The following MPP7 variants were observed in gnomAD, a reference collection of about 807,000 sequenced individuals.
MPP7 encodes the protein MAGUK p55 scaffold protein 7.
MPP7 carries 60 observed loss-of-function variants against 76.5 expected under a neutral mutation model. The ratio of observed to expected loss-of-function variants is 0.78; its 90% CI spans 0.64 to 0.97. The LOEUF is 0.97. Among genes scored for constraint, MPP7 ranks in the 50% least tolerant of loss-of-function variants. The pLI is 0.00. For synonymous variants in MPP7, 237 were observed against 244.5 expected (o/e 0.97, Z 0.29); for missense variants, 641 against 694.0 (o/e 0.92, Z 0.86).
intron 11 of MPP7, among the ~76,000 whole-genome samples, chr10:28,100,117 A>G: frequency 7.8e-6 from 1 of 127,412 alleles, no homozygotes; most frequent in Admixed American, 8.2e-5. Flanking sequence ...CTTCTTAAGA[A>G]GATTAAAAAA....
rs956023698 is a variant in MPP7, at chr10:28,216,977, C to G, written c.38-14706G>C. On this transcript the variant is annotated intron_variant, in intron 2 of 16. Transcript: ENST00000683449. Reference sequence around the variant, plus strand: ...TAGAAGTATTTTTAATACTCAAAGTCTTGATTTTGAGCCTTTTAACATTAA... The same window carrying G: ...TAGAAGTATTTTTAATACTCAAAGTGTTGATTTTGAGCCTTTTAACATTAA... Among the ~76,000 whole-genome samples the G allele has an allele frequency of 8.6e-5, 13 of 151,846 alleles. No homozygotes were observed. In the South Asian group the frequency reaches 2.7e-3, roughly 32 times the overall value.
chr10:28,148,367 TCAAA>T (rs1835774618), intron 4 of MPP7, among the ~76,000 whole-genome samples: 1 of 152,094 alleles, frequency 6.6e-6, no homozygotes, highest in Non-Finnish European at 1.5e-5. Context: ...AAAGCAAGAC[TCAAA>T]CAGGAAAAAA....
chr10:28,191,709 G>A (rs185653134), intron 3 of MPP7, among the ~76,000 whole-genome samples: 2 of 152,228 alleles, frequency 1.3e-5, no homozygotes, highest in East Asian at 1.9e-4. Context: ...CCAATACCAC[G>A]ACCAAATAAG....
chr10:28,213,804 AAAAAAAGAGAG>A lies in MPP7; in HGVS notation c.38-11544_38-11534del, dbSNP rs1467427548. 9.5e-4 allele frequency among the ~76,000 whole-genome samples: 142 copies of A among 149,350 alleles called. 1 individual carries two copies. Among genetic ancestry groups the A allele is most frequent in the African/African-American group, 3.4e-3 (133 of 39,684 alleles). ...GAGACTCTGTCTCAAAAAAAAAAAA[AAAAAAAGAGAG>A]AGAGAGAGAGAGAGAAGGTTGGTCA... On this transcript the variant is annotated intron_variant, in intron 2 of 16. Transcript: ENST00000683449.
chr10:28,315,299 G>A (rs1834308290), intron 2 of MPP7, among the ~76,000 whole-genome samples: 1 of 144,216 alleles, frequency 6.9e-6, no homozygotes, highest in African/African-American at 2.6e-5. Context: ...GAGAGAGGGA[G>A]AAAGGAAAAA....
At chr10:28,201,051 C>T (rs1837754282) in intron 3 of MPP7, among the ~76,000 whole-genome samples, 1 of 152,050 alleles carries the variant, frequency 6.6e-6, no homozygotes, top group Non-Finnish European at 1.5e-5. Context: ...CTAATAAATC[C>T]CCAGAGGGCA....
At chr10:28,318,117 G>A (rs1834338459) in intron 2 of MPP7, among the ~76,000 whole-genome samples, 1 of 152,164 alleles carries the variant, frequency 6.6e-6, no homozygotes, top group Non-Finnish European at 1.5e-5. Flanking sequence ...TCTCCCAAAA[G>A]AGCGGGCATT....
intron 11 of MPP7, among the ~76,000 whole-genome samples, chr10:28,105,168 A>AG (rs1198478883): frequency 2.0e-5 from 3 of 150,080 alleles, no homozygotes; most frequent in Non-Finnish European, 4.4e-5. Flanking sequence ...AAAAAAAAAA[A>AG]AAAAAAAAAA....
chr10:28,159,498 A>G (rs1474110638), intron 3 of MPP7, among the ~76,000 whole-genome samples: 1 of 152,090 alleles, frequency 6.6e-6, no homozygotes, highest in Non-Finnish European at 1.5e-5. Flanking sequence ...AAATTTGTAA[A>G]TATCTTTCAT....
At chr10:28,244,184 A>G (rs973775346) in intron 1 of MPP7, among the ~76,000 whole-genome samples, 1 of 152,216 alleles carries the variant, frequency 6.6e-6, no homozygotes, top group Non-Finnish European at 1.5e-5. Context: ...ACTATTCTAT[A>G]TCCTTACATC....
chr10:28,056,731 T>A, intron 15 of MPP7, 108 bp from the exon 16 acceptor site: 1 of 864,502 alleles, frequency 1.2e-6, no homozygotes, highest in South Asian at 2.1e-5. Flanking sequence ...AGGTCAGTAG[T>A]CATTTCAATA....
At chr10:28,060,005 C>G (rs1388435472) in intron 13 of MPP7, among the ~76,000 whole-genome samples, 1 of 151,192 alleles carries the variant, frequency 6.6e-6, no homozygotes, top group African/African-American at 2.4e-5. Flanking sequence ...TGAAGGCTCT[C>G]TAACCTGATA....
At chr10:28,247,759 G>A (rs77161414) in intron 1 of MPP7, among the ~76,000 whole-genome samples, 1,692 of 152,266 alleles carry the variant, frequency 0.011, 29 homozygotes, top group African/African-American at 0.038. Context: ...TGAACTAGAA[G>A]AGAATCTATT....
intron 2 of MPP7, among the ~76,000 whole-genome samples, chr10:28,207,366 A>C (rs1030011403): frequency 2.6e-5 from 4 of 152,166 alleles, no homozygotes; most frequent in African/African-American, 9.7e-5. Flanking sequence ...GAACTGTAAT[A>C]ATTTAAAGAT....
At chr10:28,271,420 T>C (rs7086805) in intron 1 of MPP7, among the ~76,000 whole-genome samples, 22,644 of 152,166 alleles carry the variant, frequency 0.15, 1,765 homozygotes, top group South Asian at 0.19. Context: ...GCCAATCAAA[T>C]ATGACATAAA....
chr10:28,275,366 C>G (rs969081194), intron 1 of MPP7, among the ~76,000 whole-genome samples: 18 of 151,894 alleles, frequency 1.2e-4, no homozygotes, highest in Admixed American at 8.5e-4. Flanking sequence ...TCCCTTACCT[C>G]TTACATCCAA....
At chr10:28,303,206 C>A (rs1470450359), upstream of MPP7, 1 of 151,832 alleles carries the variant, frequency 6.6e-6, no homozygotes, top group Non-Finnish European at 1.5e-5. Context: ...AGCAGAACTC[C>A]CTCATTGGTC....
chr10:28,173,768 A>G (rs774204657), intron 3 of MPP7, among the ~76,000 whole-genome samples: 1 of 152,256 alleles, frequency 6.6e-6, no homozygotes, highest in Non-Finnish European at 1.5e-5. Context: ...TGCAAGATCT[A>G]TAAGAGAAAA....
intron 11 of MPP7, among the ~76,000 whole-genome samples, chr10:28,108,444 C>T (rs925433100): frequency 1.3e-5 from 2 of 152,006 alleles, no homozygotes; most frequent in Admixed American, 1.3e-4. Flanking sequence ...CATTAGAGCT[C>T]AGGAGTTTGA....
Sources: allele counts gnomAD v4.1 joint callset (sites outside exome capture counted in the v4.1 genomes callset), GRCh38; gene constraint gnomAD v4.1.1; transcripts MANE v1.5; gene names NCBI Gene and HGNC (gene_info 2026-07-23, HGNC 2026-07-21).